The following PDZD8 variants were observed in gnomAD, a reference collection of about 807,000 sequenced individuals.
The protein encoded by PDZD8 is PDZ domain-containing protein 8.
PDZD8 carries 14 observed loss-of-function variants against 85.8 expected under a neutral mutation model. The ratio of observed to expected loss-of-function variants is 0.16; its 90% CI spans 0.11 to 0.26. The LOEUF (loss-of-function observed/expected upper bound fraction) is 0.26, where lower values mean the gene tolerates loss of function less well. Ranked by LOEUF, PDZD8 falls within the 10% of genes least tolerant of loss-of-function variation. The pLI is 1.00. For missense variants in PDZD8, 1,197 were observed against 1,424.3 expected (o/e 0.84, Z 2.57); for synonymous variants, 592 against 568.6 (o/e 1.04, Z -0.59).
intron 1 of PDZD8, among the ~76,000 whole-genome samples, chr10:117,354,458 TTC>T (rs548802294): frequency 1.3e-5 from 2 of 152,190 alleles, no homozygotes; most frequent in Non-Finnish European, 2.9e-5. Flanking sequence ...AAGGCCCTCA[TTC>T]TGTTCCTTTG....
intron 1 of PDZD8, among the ~76,000 whole-genome samples, chr10:117,365,559 TATA>T (rs1315097580): frequency 6.6e-5 from 10 of 152,214 alleles, no homozygotes; most frequent in African/African-American, 2.4e-4. Flanking sequence ...GGGAAAAGAA[TATA>T]ATGTGTCACC....
At chr10:117,319,392 AACACAC>A (rs199983551) in intron 2 of PDZD8, among the ~76,000 whole-genome samples, 2,026 of 101,796 alleles carry the variant, frequency 0.02, 14 homozygotes, top group South Asian at 0.027. Context: ...ATTGCTCATA[AACACAC>A]ACACACACAC....
At chr10:117,302,111 C>T (rs761645808) in intron 3 of PDZD8, among the ~76,000 whole-genome samples, 9 of 152,184 alleles carry the variant, frequency 5.9e-5, no homozygotes, top group Non-Finnish European at 1.2e-4. Context: ...TCTGAAGGGT[C>T]CTTCTGGTAT....
At chr10:117,323,823 C>T (rs2133817938) in intron 2 of PDZD8, among the ~76,000 whole-genome samples, 1 of 152,266 alleles carries the variant, frequency 6.6e-6, no homozygotes, top group African/African-American at 2.4e-5. Flanking sequence ...GTCTATCATC[C>T]AGACCTGCGT....
chr10:117,303,120 A>T (rs752178629), intron 3 of PDZD8, among the ~76,000 whole-genome samples: 1 of 152,228 alleles, frequency 6.6e-6, no homozygotes, highest in Non-Finnish European at 1.5e-5. Flanking sequence ...AGAAGAAAAG[A>T]AAATGTGGGA....
chr10:117,295,572 C>G (rs1382352181), intron 3 of PDZD8, among the ~76,000 whole-genome samples: 1 of 152,006 alleles, frequency 6.6e-6, no homozygotes. Flanking sequence ...AAAAATAAAA[C>G]AAGGCAAACA....
intron 1 of PDZD8, among the ~76,000 whole-genome samples, chr10:117,363,701 A>G (rs1213599235): frequency 6.6e-6 from 1 of 152,146 alleles, no homozygotes; most frequent in African/African-American, 2.4e-5. Context: ...TACCAACAAG[A>G]ACTATTAATG....
chr10:117,365,507 A>C (rs1845072637), intron 1 of PDZD8, among the ~76,000 whole-genome samples: 1 of 152,220 alleles, frequency 6.6e-6, no homozygotes, highest in African/African-American at 2.4e-5. Flanking sequence ...CATATTTTCT[A>C]ACAGCTTGAA....
intron 3 of PDZD8, among the ~76,000 whole-genome samples, chr10:117,308,886 C>A (rs1166063621): frequency 6.6e-6 from 1 of 152,028 alleles, no homozygotes; most frequent in African/African-American, 2.4e-5. Flanking sequence ...CTATGACTGG[C>A]ACAGAAAAAT....
chr10:117,328,479 A>G (rs2133825045), intron 2 of PDZD8, among the ~76,000 whole-genome samples: 1 of 151,966 alleles, frequency 6.6e-6, no homozygotes, highest in South Asian at 2.1e-4. Flanking sequence ...CACTGTGATC[A>G]TGGCTCACTG....
rs1486691012 is a variant in PDZD8 at position 117,283,687 on chromosome 10, C to T, written c.3046G>A (p.Val1016Ile). The change falls in exon 5 of 5, where the codon GTT (valine) becomes ATT (isoleucine). Residue 1016 changes from valine to isoleucine, a missense_variant. By Grantham distance (29) the Val-to-Ile change is conservative. Around this residue, in one of 4 missense-constraint regions of PDZD8, gnomAD observed 418 missense variants for 571.1 expected, o/e 0.73. Transcript: ENST00000334464. ...GGLDDSVFIA[V>I]KEIGRDLYRG... ...TACAGATCACGACCAATTTCTTTAA[C>T]TGCAATGAAAACACTGTCATCCAGA... 4.3e-6 allele frequency: 7 copies of T among 1,614,150 alleles called. No homozygotes were observed. Among genetic ancestry groups the T allele is most frequent in the Non-Finnish European group, 5.9e-6 (7 of 1,180,028 alleles).
chr10:117,318,924 A>G lies in PDZD8; in HGVS notation c.1046T>C (p.Leu349Pro), dbSNP rs766338837. The change falls in exon 3 of 5, where the codon CTT (leucine) becomes CCT (proline). Residue 349 changes from leucine (L) to proline (P), a missense_variant. Leu to Pro is a moderately conservative substitution (Grantham distance 98, BLOSUM62 -3). Transcript: ENST00000334464. The part of the protein sequence containing the change: ...YDREANVHCT[L>P]ELSSSVWEEK... ...TTCCCAAACACTACTGCTTAACTCA[A>G]GTGTGCAATGAACATTTGCCTCTCT... 1 of 1,612,420 alleles carries G rather than the reference A, an allele frequency of 6.2e-7. No individual in the cohort carries two copies. The highest frequency in any genetic ancestry group is 1.3e-5 in the African/African-American group (1 of 75,010).
chr10:117,373,679 C>A (rs1845235490), intron 1 of PDZD8, among the ~76,000 whole-genome samples: 1 of 150,556 alleles, frequency 6.6e-6, no homozygotes, highest in South Asian at 2.1e-4. Context: ...ACCTGGGAGG[C>A]TGAGGCAGGA....
intron 1 of PDZD8, among the ~76,000 whole-genome samples, chr10:117,373,604 CAAAAAAAAAAAA>C (rs796930758): frequency 0.012 from 627 of 52,434 alleles, 15 homozygotes; most frequent in African/African-American, 0.04. Context: ...CTAAAAAATA[CAAAAAAAAAAAA>C]AAAAAAAAAA....
chr10:117,357,611 C>T (rs1844917744), intron 1 of PDZD8, among the ~76,000 whole-genome samples: 1 of 150,690 alleles, frequency 6.6e-6, no homozygotes, highest in South Asian at 2.1e-4. Flanking sequence ...ATTAAAAATA[C>T]AAAAATTAGC....
In PDZD8 at chr10:117,284,873, C is replaced by A; in HGVS notation, c.1860G>T (p.Glu620Asp). The A allele has an allele frequency of 6.2e-7, 1 of 1,614,190 alleles. No homozygotes were observed. The highest frequency in any genetic ancestry group is 8.5e-7 in the Non-Finnish European group (1 of 1,180,038). Residue 620 changes from glutamate (E) to aspartate (D), a missense_variant, in exon 5 of 5, where the codon GAG becomes GAT. Glu to Asp is a conservative substitution (Grantham distance 45). Coordinates refer to ENST00000334464, the MANE Select transcript of PDZD8 (RefSeq NM_173791.5). Reference sequence around the variant, plus strand: ...CTACAAGAGGAGGTGGCACCACCTTCTCTGGCTTTTCAACGAGAACATCTG... The same window carrying A: ...CTACAAGAGGAGGTGGCACCACCTTATCTGGCTTTTCAACGAGAACATCTG... ...AEPDVLVEKP[E>D]KVVPPPLVDK...
chr10:117,337,214 A>G (rs12254737), intron 2 of PDZD8, among the ~76,000 whole-genome samples: 4,246 of 152,266 alleles, frequency 0.028, 219 homozygotes, highest in African/African-American at 0.099. Flanking sequence ...ACATGCTTAC[A>G]TGTTTTCTTT....
In PDZD8 at chr10:117,350,074, T is replaced by C. The variant is rs182282082; in HGVS notation, c.873-8972A>G. Among the ~76,000 whole-genome samples, 413 of 152,206 alleles carry C rather than the reference T, an allele frequency of 2.7e-3. 2 individuals carry two copies. The highest frequency in any genetic ancestry group is 0.017 in the Middle Eastern group (5 of 294). On this transcript the variant is annotated intron_variant, in intron 1 of 4. Coordinates refer to ENST00000334464, the MANE Select transcript of PDZD8 (RefSeq NM_173791.5). The stretch of plus-strand genomic sequence containing the variant: ...TACATACTTAGCATGTGAAAGGCAT[T>C]ATATTAATTAACTTAATTCCCAAAA...
Position 117,375,334 on chromosome 10 carries a change from G to A in PDZD8, c.-107C>T. ...TTTGAGGACATCGGGCGGCTGGGTC[G>A]GGGCGAGCGGCTCCGTGGGCCTCGT... On this transcript the variant is annotated 5_prime_UTR_variant, in exon 1 of 5. Transcript: ENST00000334464. 4.6e-6 allele frequency: 5 copies of A among 1,084,142 alleles called. No individual in the cohort carries two copies. The highest frequency in any genetic ancestry group is 6.2e-6 in the Non-Finnish European group (5 of 805,400). The allele number at this position is 1,084,142 out of a possible 1,614,324, so 67.2% of individuals were successfully genotyped here.
Sources: gnomAD v4.1 joint callset for allele counts (sites outside exome capture counted in the v4.1 genomes callset) on GRCh38, gnomAD v4.1.1 for gene constraint, gnomAD v4.1.1 regional missense constraint, MANE v1.5 for transcripts, NCBI Gene and HGNC (gene_info 2026-07-23, HGNC 2026-07-21) for gene names.